FUT8: variants seen among roughly 807,000 people sequenced by gnomAD.
The protein encoded by FUT8 is fucosyltransferase 8, also known as alpha-(1,6)-fucosyltransferase.
FUT8 carries 29 observed loss-of-function variants against 71.3 expected under a neutral mutation model. That is an observed-to-expected ratio of 0.41 (90% CI 0.30 to 0.55). The LOEUF is 0.55. Ranked by LOEUF, FUT8 falls within the 20% of genes least tolerant of loss-of-function variation. The pLI is 0.34. For synonymous variants in FUT8, 254 were observed against 239.3 expected (o/e 1.06, Z -0.57); for missense variants, 544 against 702.1 (o/e 0.77, Z 2.55).
intron 1 of FUT8, among the ~76,000 whole-genome samples, chr14:65,439,902 C>T (rs2065615876): frequency 7.1e-6 from 1 of 139,894 alleles, no homozygotes; most frequent in Middle Eastern, 4.0e-3. Context: ...ATAGAATCAA[C>T]CTAAGTGTTC....
At chr14:65,531,782 C>G (rs957430934) in intron 2 of FUT8, among the ~76,000 whole-genome samples, 14 of 152,128 alleles carry the variant, frequency 9.2e-5, no homozygotes, top group African/African-American at 3.4e-4. Context: ...ACTCTCCACC[C>G]TCTGGTAGGC....
At chr14:65,366,405 A>G in the FUT8 span, among the ~76,000 whole-genome samples, 1 of 152,144 alleles carries the variant, frequency 6.6e-6, no homozygotes, top group Non-Finnish European at 1.5e-5. Context: ...TTGGAAAACT[A>G]TTACACTAGT....
intron 7 of FUT8, among the ~76,000 whole-genome samples, chr14:65,680,657 G>A (rs1047615450): frequency 6.6e-6 from 1 of 152,194 alleles, no homozygotes; most frequent in Non-Finnish European, 1.5e-5. Flanking sequence ...TCATATGAAA[G>A]TATACGTTTC....
intron 2 of FUT8, among the ~76,000 whole-genome samples, chr14:65,553,112 G>A (rs1885383002): frequency 6.6e-6 from 1 of 152,096 alleles, no homozygotes; most frequent in Non-Finnish European, 1.5e-5. Flanking sequence ...TGCACCACCA[G>A]TTTTAATTTA....
chr14:65,609,578 C>T (rs185200986), intron 3 of FUT8, among the ~76,000 whole-genome samples: 236 of 151,896 alleles, frequency 1.6e-3, no homozygotes, highest in African/African-American at 5.1e-3. Context: ...GGCCTATTCC[C>T]GGACTCTTTT....
chr14:65,702,001 C>G (rs1008949526), intron 7 of FUT8, among the ~76,000 whole-genome samples: 2 of 152,222 alleles, frequency 1.3e-5, no homozygotes, highest in African/African-American at 4.8e-5. Context: ...ACTCCTGTCT[C>G]TGACTCCTAG....
At chr14:65,680,751 A>G (rs1323503277) in intron 7 of FUT8, among the ~76,000 whole-genome samples, 5 of 152,114 alleles carry the variant, frequency 3.3e-5, no homozygotes, top group African/African-American at 1.2e-4. Context: ...TCTCTTTTTA[A>G]TCTGTCTTCC....
intron 3 of FUT8, among the ~76,000 whole-genome samples, chr14:65,576,676 G>A (rs1886790730): frequency 7.7e-6 from 1 of 129,912 alleles, no homozygotes; most frequent in Non-Finnish European, 1.6e-5. Context: ...ACACAGGTGT[G>A]TGCCATGATG....
chr14:65,367,141 C>T, the FUT8 span, among the ~76,000 whole-genome samples: 84 of 152,246 alleles, frequency 5.5e-4, no homozygotes, highest in East Asian at 9.4e-3. Context: ...CCTGAAGACT[C>T]GTTTCTACAT....
the FUT8 span, among the ~76,000 whole-genome samples, chr14:65,370,201 CTTTTTTTT>C: frequency 1.7e-5 from 1 of 58,442 alleles, no homozygotes; most frequent in African/African-American, 6.6e-5. Flanking sequence ...CACACATAGT[CTTTTTTTT>C]TTTTTTTTTT....
At chr14:65,519,228 A>G (rs1414901916) in intron 2 of FUT8, among the ~76,000 whole-genome samples, 1 of 152,162 alleles carries the variant, frequency 6.6e-6, no homozygotes, top group African/African-American at 2.4e-5. Context: ...AAAAATGGAA[A>G]CAAACTGTTT....
At chr14:65,437,563 C>T (rs779973587) in intron 1 of FUT8, among the ~76,000 whole-genome samples, 5 of 152,046 alleles carry the variant, frequency 3.3e-5, no homozygotes, top group Non-Finnish European at 7.4e-5. Context: ...TGTTTAGGGT[C>T]GTAGAAATGC....
chr14:65,549,791 A>T (rs570802356), intron 2 of FUT8, among the ~76,000 whole-genome samples: 1 of 152,162 alleles, frequency 6.6e-6, no homozygotes, highest in Non-Finnish European at 1.5e-5. Flanking sequence ...AAGTCCTATC[A>T]ACAGTGGCTA....
intron 2 of FUT8, among the ~76,000 whole-genome samples, chr14:65,533,573 G>A: frequency 6.6e-6 from 1 of 152,076 alleles, no homozygotes; most frequent in East Asian, 1.9e-4. Flanking sequence ...TTGGGGTTTT[G>A]TAGGTATAGA....
chr14:65,406,506 TTTC>T (rs1595331674), upstream of FUT8, among the ~76,000 whole-genome samples: 1 of 152,194 alleles, frequency 6.6e-6, no homozygotes, highest in African/African-American at 2.4e-5. Flanking sequence ...TTCTTTTTCT[TTTC>T]TTTTCTTTTC....
chr14:65,425,549 G>A (rs773862889), intron 1 of FUT8, among the ~76,000 whole-genome samples: 7 of 143,310 alleles, frequency 4.9e-5, no homozygotes, highest in Non-Finnish European at 9.1e-5. Flanking sequence ...AATAAAAATT[G>A]TATATATTTA....
chr14:65,630,246 C>T (rs1397522015), intron 6 of FUT8, among the ~76,000 whole-genome samples: 1 of 152,140 alleles, frequency 6.6e-6, no homozygotes, highest in Admixed American at 6.5e-5. Flanking sequence ...AAAGATTTTA[C>T]TTATTTGTTT....
intron 3 of FUT8, among the ~76,000 whole-genome samples, chr14:65,612,417 C>T (rs1889048680): frequency 6.6e-6 from 1 of 152,170 alleles, no homozygotes; most frequent in Non-Finnish European, 1.5e-5. Flanking sequence ...GGATCAGGAA[C>T]TGTTTCTACC....
intron 3 of FUT8, among the ~76,000 whole-genome samples, chr14:65,596,759 A>T (rs1044237391): frequency 2.0e-5 from 3 of 152,068 alleles, no homozygotes; most frequent in Admixed American, 1.3e-4. Flanking sequence ...TTTAAAATGC[A>T]TGGTTGTTTT....
Sources: gnomAD v4.1 joint callset for allele counts (sites outside exome capture counted in the v4.1 genomes callset) on GRCh38, gnomAD v4.1.1 for gene constraint, MANE v1.5 for transcripts, NCBI Gene and HGNC (gene_info 2026-07-23, HGNC 2026-07-21) for gene names.